Variants in GLP2R observed in about 807,000 individuals in gnomAD.
GLP2R encodes glucagon-like peptide 2 receptor.
Under a neutral mutation model 68.2 loss-of-function variants are expected in GLP2R, and 59 were observed. That is an observed-to-expected ratio of 0.87 (90% CI 0.70 to 1.07). The LOEUF (loss-of-function observed/expected upper bound fraction) is 1.07. GLP2R is among the 50% of genes least tolerant of loss of function. The pLI is 0.00. For missense variants in GLP2R, 548 were observed against 677.4 expected (o/e 0.81, Z 2.12); for synonymous variants, 270 against 265.4 (o/e 1.02, Z -0.17).
chr17:9,830,066 T>C (rs538417546), intron 1 of GLP2R, among the ~76,000 whole-genome samples: 28 of 152,254 alleles, frequency 1.8e-4, no homozygotes, highest in Non-Finnish European at 2.9e-4. Context: ...CTGGCTGTGA[T>C]TGAACTTGGA....
rs759643913 is a variant in GLP2R at position 9,880,395 on chromosome 17, T to C, written c.1163T>C (p.Leu388Pro). Residue 388 changes from leucine (L) to proline (P), a missense_variant, in exon 11 of 13, where the codon CTG becomes CCG. Transcript: ENST00000262441. ...ATTTACAGATTGGCAAAATCAACAC[T>C]GGTCCTCATTCCTTTATTGGGCGTT... ...DYKYRLAKST[L>P]VLIPLLGVHE... is the part of the protein sequence containing the mutation. 3 of 1,599,270 alleles carry C rather than the reference T, an allele frequency of 1.9e-6. No homozygotes were observed. Among genetic ancestry groups the C allele is most frequent in the East Asian group, 4.5e-5 (2 of 44,654 alleles).
intron 1 of GLP2R, among the ~76,000 whole-genome samples, chr17:9,826,901 T>G (rs2152027925): frequency 6.6e-6 from 1 of 152,328 alleles, no homozygotes; most frequent in East Asian, 1.9e-4. Context: ...AGATGGGGTC[T>G]CGCTCTGTCG....
intron 9 of GLP2R, 100 bp downstream of exon 9, chr17:9,862,190 TGAGA>T: frequency 1.2e-6 from 1 of 837,810 alleles, no homozygotes; most frequent in Middle Eastern, 2.4e-4. Context: ...TCTGATCCCT[TGAGA>T]GAGAGAAGCT....
intron 3 of GLP2R, among the ~76,000 whole-genome samples, chr17:9,839,401 T>TCCC (rs1443693816): frequency 6.6e-6 from 1 of 151,758 alleles, no homozygotes; most frequent in Non-Finnish European, 1.5e-5. Flanking sequence ...TCCTCTTCCT[T>TCCC]CTCCTCCTCC....
At chr17:9,882,038 TAAAAA>T (rs60129746) in intron 11 of GLP2R, among the ~76,000 whole-genome samples, 2 of 113,654 alleles carry the variant, frequency 1.8e-5, no homozygotes, top group Non-Finnish European at 1.8e-5. Context: ...ACACATTAAC[TAAAAA>T]AAAAAAAAAA....
chr17:9,856,535 G>C (rs2066935082), intron 5 of GLP2R, among the ~76,000 whole-genome samples: 1 of 152,208 alleles, frequency 6.6e-6, no homozygotes, highest in Admixed American at 6.5e-5. Context: ...CACACACAAA[G>C]AGTCTGCAGG....
intron 3 of GLP2R, among the ~76,000 whole-genome samples, chr17:9,841,737 G>C (rs1342586343): frequency 2.0e-5 from 3 of 152,180 alleles, no homozygotes; most frequent in Non-Finnish European, 4.4e-5. Context: ...ATACCCTTTG[G>C]TTGTCCATTC....
intron 4 of GLP2R, among the ~76,000 whole-genome samples, chr17:9,853,830 A>G (rs1259744474): frequency 6.6e-6 from 1 of 152,236 alleles, no homozygotes; most frequent in East Asian, 1.9e-4. Context: ...CTCTCCAGAA[A>G]ATTGAAAAGG....
chr17:9,832,717 T>C (rs1041101087), intron 1 of GLP2R, among the ~76,000 whole-genome samples: 1 of 100,590 alleles, frequency 9.9e-6, no homozygotes, highest in Admixed American at 1.0e-4. Flanking sequence ...GGCAACAGAG[T>C]GAGGAGAACT....
At chr17:9,876,174 G>A (rs541806905) in intron 10 of GLP2R, among the ~76,000 whole-genome samples, 174 of 152,312 alleles carry the variant, frequency 1.1e-3, no homozygotes, top group African/African-American at 4.0e-3. Flanking sequence ...ACTGCGCCCG[G>A]CCCGACAAGC....
chr17:9,854,349 G>A, intron 4 of GLP2R, 146 bp from the exon 5 acceptor site: 1 of 671,398 alleles, frequency 1.5e-6, no homozygotes, highest in Non-Finnish European at 2.7e-6. Flanking sequence ...TACCCTATTT[G>A]GGTGTCAACA....
intron 3 of GLP2R, among the ~76,000 whole-genome samples, chr17:9,841,481 C>A (rs1010864396): frequency 1.3e-5 from 2 of 151,990 alleles, no homozygotes; most frequent in African/African-American, 4.8e-5. Flanking sequence ...ATTCTGGGTA[C>A]AGATGAAGGC....
intron 11 of GLP2R, among the ~76,000 whole-genome samples, chr17:9,883,466 T>C (rs57690042): frequency 0.27 from 40,540 of 152,028 alleles, 5,756 homozygotes; most frequent in Non-Finnish European, 0.31. Context: ...TTGAAAATTT[T>C]CCAAATTTGA....
chr17:9,861,293 T>G (rs1481504116), intron 8 of GLP2R, 94 bp downstream of exon 8: 2 of 863,262 alleles, frequency 2.3e-6, no homozygotes, highest in Admixed American at 3.6e-5. Flanking sequence ...GTAGAAAATA[T>G]CTATCCCTTC....
intron 10 of GLP2R, among the ~76,000 whole-genome samples, chr17:9,871,553 G>A (rs1031029900): frequency 3.3e-5 from 5 of 152,068 alleles, no homozygotes; most frequent in Non-Finnish European, 5.9e-5. Flanking sequence ...ATTGTGACTT[G>A]TTGTCGCTGC....
chr17:9,856,278 G>T (rs1215042764), intron 5 of GLP2R, among the ~76,000 whole-genome samples: 1 of 152,200 alleles, frequency 6.6e-6, no homozygotes, highest in Non-Finnish European at 1.5e-5. Context: ...CTTCGGCCAA[G>T]CCTGGGACAA....
chr17:9,862,814 A>G (rs1287005014), intron 9 of GLP2R, among the ~76,000 whole-genome samples: 2 of 152,220 alleles, frequency 1.3e-5, no homozygotes, highest in African/African-American at 4.8e-5. Context: ...GGTGCTGAAC[A>G]CTACGTGTTG....
chr17:9,828,142 G>A (rs182299724), intron 1 of GLP2R, among the ~76,000 whole-genome samples: 4 of 152,212 alleles, frequency 2.6e-5, no homozygotes, highest in Non-Finnish European at 5.9e-5. Flanking sequence ...GGCTAGACAG[G>A]CAGATAACCC....
At position 9,833,817 on chromosome 17, in the gene GLP2R, C is replaced by A; in HGVS notation, c.200C>A (p.Ser67Tyr). ...LLVSIKQVTGSLLEETTRKWA... is the reference protein window; with the variant it reads ...LLVSIKQVTGYLLEETTRKWA... ...TTTTTGTTTGCTCAGGTTACAGGATCCCTCCTTGAGGAAACGACTCGGAAG... is the reference window on the plus strand; with the variant it reads ...TTTTTGTTTGCTCAGGTTACAGGATACCTCCTTGAGGAAACGACTCGGAAG... Residue 67 changes from serine (S) to tyrosine (Y), a missense_variant, in exon 2 of 13, where the codon TCC becomes TAC. Physicochemically the swap from Ser to Tyr is moderately radical, Grantham distance 144. Transcript: ENST00000262441. 6.2e-7 allele frequency: 1 copy of A among 1,609,974 alleles called. No homozygotes were observed. Among genetic ancestry groups the A allele is most frequent in the Non-Finnish European group, 8.5e-7 (1 of 1,176,860 alleles).
Sources: gnomAD v4.1 joint callset for allele counts (sites outside exome capture counted in the v4.1 genomes callset) on GRCh38, gnomAD v4.1.1 for gene constraint, MANE v1.5 for transcripts, NCBI Gene and HGNC (gene_info 2026-07-23, HGNC 2026-07-21) for gene names.